BCKDHB: variants seen among roughly 807,000 people sequenced by gnomAD.
The protein encoded by BCKDHB is branched chain keto acid dehydrogenase E1 subunit beta.
BCKDHB carries 41 observed loss-of-function variants against 48.5 expected under a neutral mutation model. The ratio of observed to expected loss-of-function variants is 0.85; its 90% confidence interval spans 0.66 to 1.10. The LOEUF (loss-of-function observed/expected upper bound fraction) is 1.10. BCKDHB is among the 50% of genes least tolerant of loss of function. BCKDHB has a pLI of 0.00. For missense variants in BCKDHB, 496 were observed against 494.2 expected, an observed-to-expected ratio of 1.00 and a Z score of -0.03; for synonymous variants, 201 against 174.8, an observed-to-expected ratio of 1.15 and a Z score of -1.18.
At chr6:80,324,544 A>ATG (rs942490409) in intron 9 of BCKDHB, among the ~76,000 whole-genome samples, 1 of 151,910 alleles carries the variant, frequency 6.6e-6, no homozygotes, top group Non-Finnish European at 1.5e-5. Context: ...TAGCATATAT[A>ATG]TATATATTAG....
intron 9 of BCKDHB, among the ~76,000 whole-genome samples, chr6:80,297,772 A>G (rs1013217701): frequency 6.6e-6 from 1 of 152,166 alleles, no homozygotes; most frequent in Non-Finnish European, 1.5e-5. Flanking sequence ...AGTATCTCCC[A>G]TAACTGCCAT....
intron 3 of BCKDHB, among the ~76,000 whole-genome samples, chr6:80,139,305 T>G (rs1254007138): frequency 2.6e-5 from 4 of 152,138 alleles, no homozygotes; most frequent in South Asian, 2.1e-4. Context: ...CTCTTTAGTT[T>G]AATTAGATCC....
At chr6:80,300,005 A>C (rs1187785533) in intron 9 of BCKDHB, among the ~76,000 whole-genome samples, 1 of 152,154 alleles carries the variant, frequency 6.6e-6, no homozygotes, top group Admixed American at 6.5e-5. Flanking sequence ...GGATGGAGAA[A>C]GACCTATCAT....
At chr6:80,300,053 C>CT (rs879942206) in intron 9 of BCKDHB, among the ~76,000 whole-genome samples, 4,386 of 143,598 alleles carry the variant, frequency 0.031, 167 homozygotes, top group African/African-American at 0.1. Context: ...AGCCACTAGT[C>CT]TTTTTTTTTT....
intron 8 of BCKDHB, among the ~76,000 whole-genome samples, chr6:80,248,613 A>T (rs114229025): frequency 4.4e-3 from 669 of 152,134 alleles, no homozygotes; most frequent in African/African-American, 0.015. Flanking sequence ...GGACTGCTGG[A>T]GGTAGAGCTG....
chr6:80,162,929 TC>T lies in BCKDHB; in HGVS notation c.344-4748del, dbSNP rs374188974. Reference sequence around the variant, plus strand: ...CCCTTTCTCTTCTCTTCTCTCTCTCTCTTTTTTTTTTAAGACAGAATTTCAC... The same window carrying T: ...CCCTTTCTCTTCTCTTCTCTCTCTCTTTTTTTTTTTAAGACAGAATTTCAC... On this transcript the variant is annotated intron_variant, in intron 3 of 9. Transcript: ENST00000320393. Among the ~76,000 whole-genome samples the T allele has an allele frequency of 1.7e-3, 260 of 151,078 alleles. 1 individual carries two copies. Among genetic ancestry groups the T allele is most frequent in the African/African-American group, 6.0e-3 (246 of 41,044 alleles).
chr6:80,176,261 C>A (rs1007190546), intron 6 of BCKDHB, among the ~76,000 whole-genome samples: 38 of 151,976 alleles, frequency 2.5e-4, no homozygotes, highest in African/African-American at 9.2e-4. Flanking sequence ...GATTAGATAA[C>A]CTGAAATAAA....
Position 80,167,126 on chromosome 6 carries a change from C to G in BCKDHB, c.344-552C>G, listed in dbSNP as rs1286175864. On this transcript the variant is annotated intron_variant, in intron 3 of 9. Coordinates refer to ENST00000320393, the MANE Select transcript of BCKDHB (RefSeq NM_183050.4). Reference sequence around the variant, plus strand: ...GTGAATTGAACCCTTTAACAGTATGCGTTTTCCCTCTTTATCTCTGGTATG... The same window carrying G: ...GTGAATTGAACCCTTTAACAGTATGGGTTTTCCCTCTTTATCTCTGGTATG... Among the ~76,000 whole-genome samples, 3 of 152,110 alleles carry G rather than the reference C, an allele frequency of 2.0e-5. No individual in the cohort carries two copies. The East Asian group carries it at 5.8e-4, about 29-fold the overall frequency.
rs774304890 is a variant in BCKDHB at position 80,125,646 on chromosome 6, A to G, written c.197-1901A>G. Among the ~76,000 whole-genome samples the G allele has an allele frequency of 1.3e-5, 2 of 152,122 alleles. 1 individual carries two copies. The highest frequency in any genetic ancestry group is 2.9e-5 in the Non-Finnish European group (2 of 68,020). ...TCTAATTTTCATATTATTATGTCTCAGGGAATAGGGAAGCCTGAAGAAAGG... is the reference window on the plus strand; with the variant it reads ...TCTAATTTTCATATTATTATGTCTCGGGGAATAGGGAAGCCTGAAGAAAGG... On this transcript the variant is annotated intron_variant, in intron 1 of 9. Transcript: ENST00000320393.
chr6:80,123,298 G>A (rs113009112), intron 1 of BCKDHB, among the ~76,000 whole-genome samples: 4 of 152,242 alleles, frequency 2.6e-5, no homozygotes, highest in Admixed American at 1.3e-4. Context: ...CTCAGCTTAC[G>A]AAGATAACAG....
At chr6:80,405,414 A>C in the BCKDHB span, among the ~76,000 whole-genome samples, 4 of 152,076 alleles carry the variant, frequency 2.6e-5, no homozygotes, top group Admixed American at 2.6e-4. Flanking sequence ...CTTTCAGTCT[A>C]TGCATGTTCT....
At chr6:80,381,827 C>T in the BCKDHB span, among the ~76,000 whole-genome samples, 1 of 152,058 alleles carries the variant, frequency 6.6e-6, no homozygotes, top group African/African-American at 2.4e-5. Context: ...GATATAATAG[C>T]TCTGTTCTTA....
At chr6:80,247,073 A>G (rs188058058) in intron 8 of BCKDHB, among the ~76,000 whole-genome samples, 4 of 152,334 alleles carry the variant, frequency 2.6e-5, no homozygotes, top group East Asian at 1.9e-4. Context: ...TAAGCTCTCA[A>G]TTCTACAGTT....
At chr6:80,465,814 CAAT>C in the BCKDHB span, 1 of 152,144 alleles carries the variant, frequency 6.6e-6, no homozygotes, top group African/African-American at 2.4e-5. Flanking sequence ...ATAAGGAAAA[CAAT>C]AAACCAAGTA....
At chr6:80,320,489 A>G (rs573557307) in intron 9 of BCKDHB, among the ~76,000 whole-genome samples, 17 of 152,278 alleles carry the variant, frequency 1.1e-4, no homozygotes, top group African/African-American at 4.1e-4. Flanking sequence ...TTTGCAAAAC[A>G]TTATTAAAAC....
chr6:80,290,132 C>A (rs1353776305), intron 9 of BCKDHB, among the ~76,000 whole-genome samples: 2 of 152,216 alleles, frequency 1.3e-5, no homozygotes, highest in Non-Finnish European at 2.9e-5. Flanking sequence ...CAACCTAATC[C>A]ACAGGCTGTC....
chr6:80,195,259 A>G (rs1450879088), intron 6 of BCKDHB, among the ~76,000 whole-genome samples: 1 of 151,994 alleles, frequency 6.6e-6, no homozygotes, highest in Non-Finnish European at 1.5e-5. Flanking sequence ...AGATTTTTCG[A>G]TAATTTAAGG....
the BCKDHB span, among the ~76,000 whole-genome samples, chr6:80,426,894 C>G: frequency 6.6e-6 from 1 of 152,046 alleles, no homozygotes; most frequent in Non-Finnish European, 1.5e-5. Context: ...TATGATCGTT[C>G]TACCATCAGT....
chr6:80,106,962 A>C, intron 1 of BCKDHB, 73 bp downstream of exon 1: 1 of 1,525,886 alleles, frequency 6.6e-7, no homozygotes, highest in Non-Finnish European at 8.9e-7. Context: ...CGCGAGGGGC[A>C]GGGGCCGGCA....
Sources: gnomAD v4.1 joint callset for allele counts (sites outside exome capture counted in the v4.1 genomes callset) on GRCh38, gnomAD v4.1.1 for gene constraint, MANE v1.5 for transcripts, NCBI Gene and HGNC (gene_info 2026-07-23, HGNC 2026-07-21) for gene names.